The following ANTXR1 variants were observed in gnomAD, a reference collection of about 807,000 sequenced individuals.
ANTXR1 encodes anthrax toxin receptor 1.
A neutral mutation model predicts 78.1 loss-of-function variants in ANTXR1; 19 were observed. The observed-to-expected ratio is 0.24, with a 90% CI of 0.17 to 0.36. The LOEUF is 0.36. Among genes scored for constraint, ANTXR1 ranks in the 10% least tolerant of loss-of-function variants. The pLI is 1.00. For synonymous variants in ANTXR1, 273 were observed against 260.5 expected, an observed-to-expected ratio of 1.05 and a Z score of -0.46; for missense variants, 518 against 718.6, an observed-to-expected ratio of 0.72 and a Z score of 3.19.
At position 69,211,441 on chromosome 2, in the gene ANTXR1, T is replaced by C. The variant is rs115349006; in HGVS notation, c.1434+18026T>C. ...TCTCTCTCTGACATAAGGGAATTTTTACTCCTACACACCAAAGAACTACAC... is the reference window on the plus strand; with the variant it reads ...TCTCTCTCTGACATAAGGGAATTTTCACTCCTACACACCAAAGAACTACAC... On this transcript the variant is annotated intron_variant, in intron 17 of 17. Transcript: ENST00000303714. Among the ~76,000 whole-genome samples the C allele has an allele frequency of 6.5e-3, 987 of 152,242 alleles. 7 individuals carry two copies. The highest frequency in any genetic ancestry group is 0.011 in the Non-Finnish European group (719 of 68,028).
intron 12 of ANTXR1, among the ~76,000 whole-genome samples, chr2:69,148,847 G>A (rs990610901): frequency 3.4e-4 from 52 of 152,140 alleles, no homozygotes; most frequent in African/African-American, 1.2e-3. Flanking sequence ...TTGTTTATAC[G>A]AATGCCCAAG....
intron 17 of ANTXR1, among the ~76,000 whole-genome samples, chr2:69,235,359 ACT>A (rs1675731116): frequency 6.6e-6 from 1 of 151,866 alleles, no homozygotes; most frequent in South Asian, 2.1e-4. Context: ...GAAAAAATAG[ACT>A]CTATGGGCCA....
intron 1 of ANTXR1, among the ~76,000 whole-genome samples, chr2:69,027,558 C>T (rs1470907611): frequency 1.3e-5 from 2 of 151,850 alleles, no homozygotes; most frequent in African/African-American, 4.8e-5. Context: ...CTTTAGCCAT[C>T]AAGACTAACT....
intron 17 of ANTXR1, among the ~76,000 whole-genome samples, chr2:69,241,436 C>G (rs929779404): frequency 6.6e-6 from 1 of 152,162 alleles, no homozygotes; most frequent in Non-Finnish European, 1.5e-5. Context: ...GTGGGTCTTA[C>G]TGTATATTAC....
intron 17 of ANTXR1, among the ~76,000 whole-genome samples, chr2:69,207,486 G>C (rs1410715997): frequency 6.6e-6 from 1 of 152,206 alleles, no homozygotes; most frequent in African/African-American, 2.4e-5. Flanking sequence ...AAAAGAGAGA[G>C]ATGCAGTTTC....
At chr2:69,028,086 T>C (rs1671404988) in intron 1 of ANTXR1, among the ~76,000 whole-genome samples, 2 of 152,128 alleles carry the variant, frequency 1.3e-5, no homozygotes, top group Non-Finnish European at 2.9e-5. Context: ...TGATGAATGA[T>C]AAAATGATAA....
intron 11 of ANTXR1, among the ~76,000 whole-genome samples, chr2:69,123,678 G>GA (rs1390680453): frequency 3.3e-5 from 5 of 152,124 alleles, no homozygotes; most frequent in South Asian, 2.1e-4. Context: ...ATTTATAGGG[G>GA]AAAATCTCAT....
chr2:69,066,672 A>G (rs768465545), intron 3 of ANTXR1, among the ~76,000 whole-genome samples: 4 of 152,344 alleles, frequency 2.6e-5, no homozygotes, highest in Non-Finnish European at 4.4e-5. Context: ...TGCATGGTGT[A>G]TGCTCAACAA....
rs34500820 is a variant in ANTXR1, at chr2:69,188,034, C to CAAAA, written c.1354-5277_1354-5274dup. ...AAGAAAAGATACAACTGCTGCCTGG[C>CAAAA]AAAAAAAAAAAAAAAAAAAAAAAAA... is the stretch of plus-strand genomic sequence containing the variant. On this transcript the variant is annotated intron_variant, in intron 16 of 17. Coordinates refer to ENST00000303714, the MANE Select transcript of ANTXR1 (RefSeq NM_032208.3). Among the ~76,000 whole-genome samples the CAAAA allele has an allele frequency of 4.1e-4, 37 of 90,788 alleles. 1 individual carries two copies. The highest frequency in any genetic ancestry group is 1.1e-3 in the African/African-American group (31 of 27,152). The allele number at this position is 90,788 out of a possible 152,430, so 59.6% of individuals were successfully genotyped here.
At chr2:69,182,299 G>A (rs978180217) in intron 15 of ANTXR1, among the ~76,000 whole-genome samples, 194 bp from the exon 16 acceptor site, 2 of 152,154 alleles carry the variant, frequency 1.3e-5, no homozygotes, top group Non-Finnish European at 2.9e-5. Context: ...CCACCCATGT[G>A]GCTCAGCTCT....
At chr2:69,199,870 C>T (rs1176747099) in intron 17 of ANTXR1, among the ~76,000 whole-genome samples, 1 of 152,150 alleles carries the variant, frequency 6.6e-6, no homozygotes, top group Non-Finnish European at 1.5e-5. Context: ...CCTTCAGAAA[C>T]CCCAAGAGTA....
intron 10 of ANTXR1, among the ~76,000 whole-genome samples, chr2:69,119,799 C>T (rs1454605512): frequency 6.6e-6 from 1 of 152,232 alleles, no homozygotes; most frequent in Non-Finnish European, 1.5e-5. Context: ...ATCCAAGCTC[C>T]CGTGTGTAAC....
chr2:69,074,033 G>A (rs186483021), intron 6 of ANTXR1, among the ~76,000 whole-genome samples: 2 of 152,292 alleles, frequency 1.3e-5, no homozygotes, highest in East Asian at 3.9e-4. Flanking sequence ...TGTTAACTGA[G>A]AGCTTGGCAT....
chr2:69,197,850 G>C (rs1674699295), intron 17 of ANTXR1, among the ~76,000 whole-genome samples: 1 of 152,182 alleles, frequency 6.6e-6, no homozygotes, highest in South Asian at 2.1e-4. Context: ...ACGCTTCAAG[G>C]GGTCATGAGA....
intron 17 of ANTXR1, among the ~76,000 whole-genome samples, chr2:69,207,933 A>G (rs1674948741): frequency 6.6e-6 from 1 of 152,174 alleles, no homozygotes; most frequent in African/African-American, 2.4e-5. Flanking sequence ...ATGAACTCAG[A>G]ATGGGAAGTG....
chr2:69,089,373 A>C (rs1373324553), intron 8 of ANTXR1, among the ~76,000 whole-genome samples: 1 of 152,210 alleles, frequency 6.6e-6, no homozygotes, highest in East Asian at 1.9e-4. Flanking sequence ...TTCTCTCTGG[A>C]ATGGGTAAAT....
chr2:69,036,433 A>G lies in ANTXR1; in HGVS notation c.153-3611A>G, dbSNP rs114407456. Among the ~76,000 whole-genome samples the G allele has an allele frequency of 6.3e-3, 963 of 152,306 alleles. 10 individuals are homozygous for G. The highest frequency in any genetic ancestry group is 0.021 in the African/African-American group (865 of 41,564). ...AAATTATTATTTATTATTATTGACT[A>G]TAGCCACCCTCTTGTGCTATCAAAT... On this transcript the variant is annotated intron_variant, in intron 1 of 17. Coordinates refer to ENST00000303714, the MANE Select transcript of ANTXR1 (RefSeq NM_032208.3).
chr2:69,044,806 GA>G lies in ANTXR1; in HGVS notation c.291del (p.Asp98ThrfsTer9). On this transcript the variant is annotated frameshift_variant, in exon 3 of 18. Transcript: ENST00000303714. LOFTEE classifies it high-confidence loss of function. ...TRGTTLMKLTEDREQIRQGLE... is the reference protein window; with the variant it reads ...TRGTTLMKLTXDREQIRQGLE... Reference sequence around the variant, plus strand: ...AGGAACAACCTTAATGAAACTGACAGAAGACAGGTAAGGATACTTCTTATCT... The same window carrying G: ...AGGAACAACCTTAATGAAACTGACAGAGACAGGTAAGGATACTTCTTATCT... 6.2e-7 allele frequency: 1 copy of G among 1,613,826 alleles called. No homozygotes were observed. The highest frequency in any genetic ancestry group is 8.5e-7 in the Non-Finnish European group (1 of 1,179,758).
chr2:69,144,950 T>G (rs1487280765), intron 12 of ANTXR1, among the ~76,000 whole-genome samples: 1 of 152,206 alleles, frequency 6.6e-6, no homozygotes, highest in African/African-American at 2.4e-5. Context: ...AAAATAGAGA[T>G]ATTGGGGTCA....
Sources: allele counts gnomAD v4.1 joint callset (sites outside exome capture counted in the v4.1 genomes callset), GRCh38; gene constraint gnomAD v4.1.1; transcripts MANE v1.5; gene names NCBI Gene and HGNC (gene_info 2026-07-23, HGNC 2026-07-21).